The following SNX29 variants were observed in gnomAD, a reference collection of about 807,000 sequenced individuals.
SNX29 encodes sorting nexin 29.
Under a neutral mutation model 102.1 loss-of-function variants are expected in SNX29, and 78 were observed. The ratio of observed to expected loss-of-function variants is 0.76; its 90% confidence interval spans 0.64 to 0.92. The LOEUF is 0.92. SNX29 is among the 40% of genes least tolerant of loss of function. SNX29 has a pLI of 0.00. For missense variants in SNX29, 1,280 were observed against 1,061.7 expected (o/e 1.21, Z -2.86); for synonymous variants, 580 against 414.5 (o/e 1.40, Z -4.85).
At chr16:12,485,628 G>C (rs1195824732) in intron 19 of SNX29, among the ~76,000 whole-genome samples, 1 of 152,130 alleles carries the variant, frequency 6.6e-6, no homozygotes, top group South Asian at 2.1e-4. Context: ...AGGTGGGAGC[G>C]AGTGGACCTC....
chr16:12,324,725 C>A (rs115087917), intron 15 of SNX29, among the ~76,000 whole-genome samples: 192 of 152,178 alleles, frequency 1.3e-3, no homozygotes, highest in African/African-American at 4.4e-3. Context: ...TCTCCTAGTC[C>A]CTTTGATGAT....
At chr16:12,186,043 T>C (rs553956581) in intron 13 of SNX29, among the ~76,000 whole-genome samples, 2 of 152,230 alleles carry the variant, frequency 1.3e-5, no homozygotes, top group Non-Finnish European at 2.9e-5. Flanking sequence ...GGTCTTGTTA[T>C]TCCCAGATAC....
chr16:12,215,606 A>G (rs1377506754), intron 14 of SNX29, among the ~76,000 whole-genome samples: 3 of 152,170 alleles, frequency 2.0e-5, no homozygotes, highest in Admixed American at 6.5e-5. Context: ...AGGCAGTGGA[A>G]CAGGCAGGCA....
chr16:12,345,553 A>G (rs1184284288), intron 15 of SNX29, among the ~76,000 whole-genome samples: 2 of 152,200 alleles, frequency 1.3e-5, no homozygotes, highest in Non-Finnish European at 2.9e-5. Flanking sequence ...CCTTTATGTC[A>G]TACATGACGT....
intron 13 of SNX29, among the ~76,000 whole-genome samples, chr16:12,153,294 A>G (rs1402840807): frequency 6.6e-6 from 1 of 151,760 alleles, no homozygotes; most frequent in Non-Finnish European, 1.5e-5. Flanking sequence ...CTTTATTTTT[A>G]GCTGTACAGA....
intron 5 of SNX29, among the ~76,000 whole-genome samples, chr16:12,044,452 C>T (rs1414421321): frequency 6.6e-6 from 1 of 152,140 alleles, no homozygotes; most frequent in Non-Finnish European, 1.5e-5. Flanking sequence ...AATGGGAGTG[C>T]TTGGGAACCA....
chr16:12,365,432 G>A (rs1265952442), intron 16 of SNX29, among the ~76,000 whole-genome samples: 3 of 151,850 alleles, frequency 2.0e-5, no homozygotes, highest in Non-Finnish European at 4.4e-5. Context: ...GCTCATGCCT[G>A]TAATCTCAGC....
intron 13 of SNX29, among the ~76,000 whole-genome samples, chr16:12,139,405 C>T (rs866679007): frequency 4.6e-5 from 7 of 152,138 alleles, no homozygotes; most frequent in South Asian, 2.1e-4. Context: ...GGCAGTGGCC[C>T]GTCCTTGCAC....
At chr16:12,457,566 G>C (rs1020430532) in intron 18 of SNX29, among the ~76,000 whole-genome samples, 1 of 152,146 alleles carries the variant, frequency 6.6e-6, no homozygotes, top group African/African-American at 2.4e-5. Flanking sequence ...GATTAGGTGG[G>C]GGAAAAGACA....
intron 16 of SNX29, among the ~76,000 whole-genome samples, chr16:12,382,387 C>A (rs2083199002): frequency 6.6e-6 from 1 of 152,132 alleles, no homozygotes; most frequent in Non-Finnish European, 1.5e-5. Context: ...ACTCTGGAGC[C>A]CACACTGCCT....
At chr16:12,545,285 C>T (rs1028325783) in intron 20 of SNX29, among the ~76,000 whole-genome samples, 1 of 152,220 alleles carries the variant, frequency 6.6e-6, no homozygotes, top group Non-Finnish European at 1.5e-5. Context: ...TGGTTTGCCA[C>T]TTCGCCCTCT....
intron 20 of SNX29, among the ~76,000 whole-genome samples, chr16:12,555,410 C>A (rs575967851): frequency 6.6e-6 from 1 of 152,066 alleles, no homozygotes; most frequent in Non-Finnish European, 1.5e-5. Context: ...GGGCTGCTGG[C>A]CCCTCAGGTT....
At chr16:12,283,915 G>A in intron 15 of SNX29, among the ~76,000 whole-genome samples, 1 of 152,144 alleles carries the variant, frequency 6.6e-6, no homozygotes, top group East Asian at 1.9e-4. Context: ...GACTGTTAGT[G>A]GTGATGCTCA....
At chr16:12,115,017 G>T (rs115629068) in intron 11 of SNX29, among the ~76,000 whole-genome samples, 1 of 152,062 alleles carries the variant, frequency 6.6e-6, no homozygotes. Context: ...AACTTCTCTC[G>T]GTCTTTCCAT....
chr16:12,059,827 T>C (rs1415107252), intron 8 of SNX29, among the ~76,000 whole-genome samples: 1 of 152,216 alleles, frequency 6.6e-6, no homozygotes, highest in Non-Finnish European at 1.5e-5. Context: ...TAATGTCACT[T>C]GTGGGCAGGA....
intron 14 of SNX29, among the ~76,000 whole-genome samples, chr16:12,202,169 A>C (rs1255850768): frequency 1.3e-5 from 2 of 152,208 alleles, no homozygotes; most frequent in South Asian, 4.1e-4. Flanking sequence ...GATTTAAACA[A>C]AACAACTTAA....
In SNX29 at chr16:12,094,503, C is replaced by T. The variant is rs181348794; in HGVS notation, c.1402+15588C>T. Among the ~76,000 whole-genome samples, 54 of 152,254 alleles carry T rather than the reference C, an allele frequency of 3.5e-4. 1 individual carries two copies. The highest frequency in any genetic ancestry group is 3.4e-3 in the Admixed American group (52 of 15,288). ...TTCCCTTTAGCTGGTATCTACCCCTCAATCCTCCCTCTGGTTAAGAGGACA... is the reference window on the plus strand; with the variant it reads ...TTCCCTTTAGCTGGTATCTACCCCTTAATCCTCCCTCTGGTTAAGAGGACA... On this transcript the variant is annotated intron_variant, in intron 11 of 20. Transcript: ENST00000566228.
intron 18 of SNX29, among the ~76,000 whole-genome samples, chr16:12,455,317 C>T (rs1454226187): frequency 6.6e-6 from 1 of 152,142 alleles, no homozygotes; most frequent in Non-Finnish European, 1.5e-5. Flanking sequence ...ACTTCCAGAC[C>T]CTGGGTCTAC....
intron 15 of SNX29, among the ~76,000 whole-genome samples, chr16:12,302,748 C>T (rs186695858): frequency 1.5e-4 from 23 of 152,332 alleles, no homozygotes; most frequent in South Asian, 1.0e-3. Flanking sequence ...ACTTTGGAAA[C>T]TTCCTGCTAG....
Sources: allele counts gnomAD v4.1 joint callset (sites outside exome capture counted in the v4.1 genomes callset), GRCh38; gene constraint gnomAD v4.1.1; transcripts MANE v1.5; gene names NCBI Gene and HGNC (gene_info 2026-07-23, HGNC 2026-07-21).